Variants in FBXO41 observed in about 807,000 individuals in gnomAD.
The protein encoded by FBXO41 is F-box protein 41.
Under a neutral mutation model 81.6 loss-of-function variants are expected in FBXO41, and 33 were observed. The observed-to-expected ratio is 0.40, with a 90% CI of 0.31 to 0.54. FBXO41 has a LOEUF of 0.54. Ranked by LOEUF, FBXO41 falls within the 20% of genes least tolerant of loss-of-function variation. The probability of loss-of-function intolerance (pLI) is 0.39; values close to 1 mark genes in which losing one functional copy is unlikely to be tolerated. For missense variants in FBXO41, 1,107 were observed against 1,236.0 expected (o/e 0.90, Z 1.56); for synonymous variants, 576 against 552.7 (o/e 1.04, Z -0.59).
At position 73,260,486 on chromosome 2, in the gene FBXO41, C is replaced by T. The variant is rs755400177; in HGVS notation, c.2352G>A (p.Glu784=). Residue 784 remains glutamate, a synonymous_variant, in exon 11 of 13, where the codon GAG becomes GAA. Transcript: ENST00000520530. The surrounding 1 kb of genome is among the most constrained non-coding windows in gnomAD (Gnocchi z 5.0). ...ELDHVSEITQ[E]VAAEVCREGL... The stretch of plus-strand genomic sequence containing the variant: ...CTTCCCGGCAGACCTCTGCTGCCAC[C>T]TCCTGGGTGATCTCTGACACGTGGT... 6.2e-7 allele frequency: 1 copy of T among 1,604,190 alleles called. No homozygotes were observed. The highest frequency in any genetic ancestry group is 8.5e-7 in the Non-Finnish European group (1 of 1,175,508).
At chr2:73,271,784 C>A (rs1327454053) in intron 1 of FBXO41, among the ~76,000 whole-genome samples, 1 of 152,278 alleles carries the variant, frequency 6.6e-6, no homozygotes, top group South Asian at 2.1e-4. Flanking sequence ...GCATGTGCCA[C>A]CACGCCCAGC....
In FBXO41 at chr2:73,259,077, C is replaced by T. The variant is rs1269784829; in HGVS notation, c.2566-33G>A. On this transcript the variant is annotated intron_variant, in intron 12 of 12. Transcript: ENST00000520530. The surrounding 1 kb of genome is among the most constrained non-coding windows in gnomAD (Gnocchi z 4.2). ...CCGAACCCTGGGTTAGTTCTCCCTC[C>T]GTGCCAGGCAGGTGGGGCCCTCCTG... is the stretch of plus-strand genomic sequence containing the variant. 3.1e-6 allele frequency: 5 copies of T among 1,606,094 alleles called. No individual in the cohort carries two copies. Among genetic ancestry groups the T allele is most frequent in the African/African-American group, 1.3e-5 (1 of 74,936 alleles).
Position 73,263,182 on chromosome 2 carries a change from C to G in FBXO41, c.2171+31G>C, listed in dbSNP as rs771856434. On this transcript the variant is annotated intron_variant, in intron 9 of 12. Transcript: ENST00000520530. ...CCAGACCAGGCCCAACCGTGTCCCC[C>G]CTCCTATCCCCCAAACCTGCCAGGG... 35 of 1,538,476 alleles carry G rather than the reference C, an allele frequency of 2.3e-5. No homozygotes were observed. The Admixed American group carries it at 4.9e-4, about 22-fold the overall frequency.
In FBXO41 at chr2:73,269,933, T is replaced by C. The variant is rs1688439788; in HGVS notation, c.-138-165A>G. On this transcript the variant is annotated intron_variant, in intron 1 of 12. Transcript: ENST00000520530. This position sits in a 1 kb window ranked among gnomAD's most constrained non-coding sequence, Gnocchi z 7.0. Reference sequence around the variant, plus strand: ...TCTGGCACCTGTGCGAGGGCCTGTATGTGTGCAAGAGACAGCGAGAGAATG... The same window carrying C: ...TCTGGCACCTGTGCGAGGGCCTGTACGTGTGCAAGAGACAGCGAGAGAATG... Among the ~76,000 whole-genome samples, 1 of 152,234 alleles carries C rather than the reference T, an allele frequency of 6.6e-6. No homozygotes were observed. The highest frequency in any genetic ancestry group is 6.5e-5 in the Admixed American group (1 of 15,306).
Position 73,258,985 on chromosome 2 carries a change from G to A in FBXO41, c.2625C>T (p.Cys875=). The change falls in exon 13 of 13, where the codon TGC becomes TGT. Residue 875 remains cysteine (C), a synonymous_variant. Coordinates refer to ENST00000520530, the MANE Select transcript of FBXO41 (RefSeq NM_001371389.2). ...KILHIKVEGG[C] is the part of the protein sequence containing the mutation. ...GCCCTGCCGCCCCCTACCCGGGTTA[G>A]CAGCCGCCTTCCACCTTGATGTGCA... 6.3e-7 allele frequency: 1 copy of A among 1,577,744 alleles called. No homozygotes were observed. Among genetic ancestry groups the A allele is most frequent in the South Asian group, 1.2e-5 (1 of 86,010 alleles).
Position 73,264,353 on chromosome 2 carries a change from C to T in FBXO41, c.1731G>A (p.Arg577=), listed in dbSNP as rs373261449. Residue 577 remains arginine (R), a synonymous_variant, in exon 6 of 13, where the codon CGG becomes CGA. Coordinates refer to ENST00000520530, the MANE Select transcript of FBXO41 (RefSeq NM_001371389.2). The part of the protein sequence containing the change: ...RTLLHAAEVC[R]DWRFVARHPA... ...GGTGGCGGGCCACGAAGCGCCAGTC[C>T]CGGCAGACCTCGGCAGCATGCAGCA... is the stretch of plus-strand genomic sequence containing the variant. 31 of 1,613,592 alleles carry T rather than the reference C, an allele frequency of 1.9e-5. No individual in the cohort carries two copies. In the African/African-American group the frequency reaches 4.0e-4, roughly 21 times the overall value.
chr2:73,269,703 G>T lies in FBXO41; in HGVS notation c.-73C>A. 1 of 1,067,194 alleles carries T rather than the reference G, an allele frequency of 9.4e-7. No individual in the cohort carries two copies. Among genetic ancestry groups the T allele is most frequent in the Non-Finnish European group, 1.1e-6 (1 of 872,872 alleles). The allele number at this position is 1,067,194 out of a possible 1,614,324, so 66.1% of individuals were successfully genotyped here. A position where few individuals can be genotyped will look rare whatever the true frequency, so the allele number is the denominator to read the frequency against. ...CGGTCAGCCGGGCGCGCTCATGGGG[G>T]ACCGCGGGCGAGGCCCCCTGCGGGG... On this transcript the variant is annotated 5_prime_UTR_variant, in exon 2 of 13. Transcript: ENST00000520530. The surrounding 1 kb of genome is among the most constrained non-coding windows in gnomAD (Gnocchi z 7.0).
rs142190256 is a variant in FBXO41, at chr2:73,275,481, C to T, written c.-138-5713G>A. Among the ~76,000 whole-genome samples, 82 of 152,314 alleles carry T rather than the reference C, an allele frequency of 5.4e-4. 1 individual carries two copies. The East Asian group carries it at 0.014, about 27-fold the overall frequency. On this transcript the variant is annotated intron_variant, in intron 1 of 12. Transcript: ENST00000520530. ...TACAAGTGTGAGCCACCACGCCTGG[C>T]CCATTTGCATTTTATAACCCAGCTA...
rs752179486 is a variant in FBXO41 at position 73,263,263 on chromosome 2, G to A, written c.2121C>T (p.Gly707=). Residue 707 remains glycine, a synonymous_variant, in exon 9 of 13, where the codon GGC becomes GGT. Transcript: ENST00000520530. The stretch of plus-strand genomic sequence containing the variant: ...GGGAGACGATCTCTCTGCAGCCTGC[G>A]CCCAGGGCCCAAATGACCTCATGGC... ...PVGHEVIWAL[G]AGCREIVSLQ... 27 of 1,554,292 alleles carry A rather than the reference G, an allele frequency of 1.7e-5. No individual in the cohort carries two copies. Among genetic ancestry groups the A allele is most frequent in the African/African-American group, 9.6e-5 (7 of 73,052 alleles).
In FBXO41 at chr2:73,270,303, C is replaced by T. The variant is rs548697996; in HGVS notation, c.-138-535G>A. Among the ~76,000 whole-genome samples, 3 of 152,182 alleles carry T rather than the reference C, an allele frequency of 2.0e-5. No individual in the cohort carries two copies. The South Asian group carries it at 6.2e-4, about 32-fold the overall frequency. On this transcript the variant is annotated intron_variant, in intron 1 of 12. Coordinates refer to ENST00000520530, the MANE Select transcript of FBXO41 (RefSeq NM_001371389.2). The stretch of plus-strand genomic sequence containing the variant: ...GGGCAGGAGGCAGCTTTATGTGATG[C>T]GGAGAATGTTCTCTATCTGCTTTGA...
rs752570721 is a variant in FBXO41, at chr2:73,264,244, C to CA, written c.1806+33dup. On this transcript the variant is annotated intron_variant, in intron 6 of 12. Transcript: ENST00000520530. The stretch of plus-strand genomic sequence containing the variant: ...CTACCCAGGGGGAAAGGTGGGTTCA[C>CA]AGCAGGGCACAGAAGGCAGGCAGGG... 3 of 1,612,236 alleles carry CA rather than the reference C, an allele frequency of 1.9e-6. No homozygotes were observed. In the African/African-American group the frequency reaches 4.0e-5, roughly 22 times the overall value.
At position 73,266,509 on chromosome 2, in the gene FBXO41, C is replaced by T. The variant is rs374767626; in HGVS notation, c.1079G>A (p.Arg360His). Residue 360 changes from arginine to histidine, a missense_variant, in exon 3 of 13, where the codon CGT (arginine) becomes CAT (histidine). Around this residue, in one of 2 missense-constraint regions of FBXO41, gnomAD observed 771 missense variants for 789.2 expected, o/e 0.98. Transcript: ENST00000520530. The surrounding 1 kb of genome is among the most constrained non-coding windows in gnomAD (Gnocchi z 5.3). ...TCCAGCACCACCGCCCCCACCTCCA[C>T]GGCCCAGGCTGGCGCTGGGCGTGCT... ...CGSTPSASLG[R>H]GGGGGGAGPN... 48 of 1,595,502 alleles carry T rather than the reference C, an allele frequency of 3.0e-5. No homozygotes were observed. The highest frequency in any genetic ancestry group is 2.1e-4 in the African/African-American group (16 of 74,612).
intron 1 of FBXO41, among the ~76,000 whole-genome samples, chr2:73,270,445 C>A (rs1475433636): frequency 6.6e-6 from 1 of 152,094 alleles, no homozygotes; most frequent in Non-Finnish European, 1.5e-5. Context: ...GCAGACTGCA[C>A]CCCCACACAG....
chr2:73,264,562 G>C, intron 5 of FBXO41, 43 bp from the exon 6 acceptor site: 1 of 1,607,926 alleles, frequency 6.2e-7, no homozygotes, highest in Non-Finnish European at 8.5e-7. Context: ...GGAGGGTCAA[G>C]GCTGGTGTGG....
intron 1 of FBXO41, among the ~76,000 whole-genome samples, chr2:73,280,270 C>T (rs898045931): frequency 6.6e-6 from 1 of 152,216 alleles, no homozygotes; most frequent in African/African-American, 2.4e-5. Flanking sequence ...CCAGTTCAGA[C>T]CTATATCCCC....
At chr2:73,279,916 A>G (rs1261736210) in intron 1 of FBXO41, among the ~76,000 whole-genome samples, 1 of 152,130 alleles carries the variant, frequency 6.6e-6, no homozygotes, top group African/African-American at 2.4e-5. Context: ...ATTCTTTTTT[A>G]AAAAATGCTT....
At chr2:73,261,317 C>A (rs1688014502) in intron 9 of FBXO41, among the ~76,000 whole-genome samples, 1 of 152,114 alleles carries the variant, frequency 6.6e-6, no homozygotes, top group Admixed American at 6.5e-5. Flanking sequence ...CTCGGCTTCC[C>A]AAAGTGCTGG....
At chr2:73,282,567 G>A (rs1467714732) in intron 1 of FBXO41, among the ~76,000 whole-genome samples, 4 of 152,148 alleles carry the variant, frequency 2.6e-5, no homozygotes, top group Non-Finnish European at 4.4e-5. Context: ...GGCAGGTGTG[G>A]TGGCATATGC....
rs748701715 is a variant in FBXO41, at chr2:73,260,978, C to T, written c.2172-120G>A. The T allele has an allele frequency of 4.2e-5, 32 of 758,920 alleles. No homozygotes were observed. The highest frequency in any genetic ancestry group is 6.6e-5 in the Non-Finnish European group (31 of 470,490). The allele number at this position is 758,920 out of a possible 1,614,324, so 47.0% of individuals were successfully genotyped here. On this transcript the variant is annotated intron_variant, in intron 9 of 12. Transcript: ENST00000520530. This position sits in a 1 kb window ranked among gnomAD's most constrained non-coding sequence, Gnocchi z 5.0. Reference sequence around the variant, plus strand: ...GCATTCCTCCAACAACCCAGCAGGTCAAGTCAGAGAACCAGGATCATCCCT... The same window carrying T: ...GCATTCCTCCAACAACCCAGCAGGTTAAGTCAGAGAACCAGGATCATCCCT...
Sources: gnomAD v4.1 joint callset for allele counts (sites outside exome capture counted in the v4.1 genomes callset) on GRCh38, gnomAD v4.1.1 for gene constraint, gnomAD v4.1.1 regional missense constraint, Gnocchi (gnomAD v3.1) non-coding constraint, MANE v1.5 for transcripts, NCBI Gene and HGNC (gene_info 2026-07-23, HGNC 2026-07-21) for gene names.